SCAMP1: variants seen among roughly 807,000 people sequenced by gnomAD.
SCAMP1 encodes secretory carrier-associated membrane protein 1.
Under a neutral mutation model 41.8 loss-of-function variants are expected in SCAMP1, and 15 were observed. The observed-to-expected ratio is 0.36, with a 90% CI of 0.24 to 0.55. The LOEUF is 0.55. SCAMP1 is among the 20% of genes least tolerant of loss of function. The probability of loss-of-function intolerance (pLI) is 0.86; values close to 1 mark genes in which losing one functional copy is unlikely to be tolerated. For missense variants in SCAMP1, 341 were observed against 412.6 expected (o/e 0.83, Z 1.50); for synonymous variants, 135 against 136.8 (o/e 0.99, Z 0.09).
At chr5:78,445,081 A>G (rs1463272967) in intron 6 of SCAMP1, among the ~76,000 whole-genome samples, 4 of 152,214 alleles carry the variant, frequency 2.6e-5, no homozygotes, top group Non-Finnish European at 5.9e-5. Flanking sequence ...AGCCCTTGAA[A>G]TAATGAAATA....
intron 2 of SCAMP1, among the ~76,000 whole-genome samples, chr5:78,414,570 T>G (rs1752162856): frequency 6.6e-6 from 1 of 152,154 alleles, no homozygotes; most frequent in Non-Finnish European, 1.5e-5. Flanking sequence ...CATAGGACAC[T>G]GCGCCCGGCC....
chr5:78,366,437 C>T (rs914497700), intron 1 of SCAMP1, among the ~76,000 whole-genome samples: 1 of 152,176 alleles, frequency 6.6e-6, no homozygotes, highest in Non-Finnish European at 1.5e-5. Context: ...TGCCACCACA[C>T]TTGGCCTCTG....
chr5:78,423,426 T>A (rs375536378), intron 6 of SCAMP1, among the ~76,000 whole-genome samples: 2 of 152,192 alleles, frequency 1.3e-5, no homozygotes, highest in African/African-American at 4.8e-5. Flanking sequence ...TTCTGTTTTT[T>A]GTTAGTTTGT....
At chr5:78,433,996 TG>T (rs78901498) in intron 6 of SCAMP1, among the ~76,000 whole-genome samples, 7,351 of 152,140 alleles carry the variant, frequency 0.048, 388 homozygotes, top group East Asian at 0.3. Flanking sequence ...CTGAGGAAAA[TG>T]GGCTTTGCTA....
chr5:78,368,280 A>G lies in SCAMP1; in HGVS notation c.57+7552A>G, dbSNP rs186160373. On this transcript the variant is annotated intron_variant, in intron 1 of 8. Coordinates refer to ENST00000621999, the MANE Select transcript of SCAMP1 (RefSeq NM_004866.6). ...ATATGGCCAGGGGAAGGCTGCTGCC[A>G]TAGGAGGCTGCTGTGCCACGTGACA... Among the ~76,000 whole-genome samples, 128 of 152,348 alleles carry G rather than the reference A, an allele frequency of 8.4e-4. 1 individual carries two copies. The highest frequency in any genetic ancestry group is 3.4e-3 in the Middle Eastern group (1 of 294).
At chr5:78,386,387 G>C (rs1465030375) in intron 1 of SCAMP1, among the ~76,000 whole-genome samples, 2 of 152,064 alleles carry the variant, frequency 1.3e-5, no homozygotes, top group African/African-American at 4.8e-5. Context: ...CAGATAGTTG[G>C]TAAATTCTTA....
At position 78,477,224 on chromosome 5, in the gene SCAMP1, A is replaced by G. The variant is rs1241410799; in HGVS notation, c.*1556A>G. 1.3e-5 allele frequency: 2 copies of G among 152,184 alleles called. No homozygotes were observed. The highest frequency in any genetic ancestry group is 2.4e-5 in the African/African-American group (1 of 41,466). The allele number at this position is 152,184 out of a possible 1,614,324, so 9.4% of individuals were successfully genotyped here. On this transcript the variant is annotated 3_prime_UTR_variant, in exon 9 of 9. Coordinates refer to ENST00000621999, the MANE Select transcript of SCAMP1 (RefSeq NM_004866.6). ...TTCACTATCCATGAAGCAGCGCTGC[A>G]TGTCACTAGGTAACACAGATCCATC...
At chr5:78,446,275 A>G (rs1377071976) in intron 6 of SCAMP1, among the ~76,000 whole-genome samples, 1 of 152,178 alleles carries the variant, frequency 6.6e-6, no homozygotes, top group Non-Finnish European at 1.5e-5. Flanking sequence ...TTAATTTTTA[A>G]AACATATTCA....
chr5:78,385,706 G>C (rs1751324427), intron 1 of SCAMP1, among the ~76,000 whole-genome samples: 2 of 152,088 alleles, frequency 1.3e-5, no homozygotes, highest in Admixed American at 6.5e-5. Flanking sequence ...TGTTGACCCA[G>C]TCATCATTCA....
At chr5:78,388,804 A>G in intron 1 of SCAMP1, 33 bp from the exon 2 acceptor site, 3 of 1,140,962 alleles carry the variant, frequency 2.6e-6, no homozygotes, top group Non-Finnish European at 1.3e-6. Flanking sequence ...AAGGATAAGT[A>G]ATCTTTTTTT....
chr5:78,469,906 A>C (rs1477367033), intron 8 of SCAMP1, among the ~76,000 whole-genome samples: 885 of 43,424 alleles, frequency 0.02, 29 homozygotes, highest in African/African-American at 0.09. Context: ...AAAAAAAAAA[A>C]AAAAAACAAA....
intron 2 of SCAMP1, among the ~76,000 whole-genome samples, chr5:78,400,268 G>GTTACT (rs1413629140): frequency 1.3e-5 from 2 of 152,166 alleles, no homozygotes; most frequent in Non-Finnish European, 2.9e-5. Flanking sequence ...ATGGATTACT[G>GTTACT]TTACTTTATA....
chr5:78,392,064 CCGTGGAAAGAGA>C, intron 2 of SCAMP1, among the ~76,000 whole-genome samples: 1 of 4,254 alleles, frequency 2.4e-4, no homozygotes, highest in East Asian at 1.3e-3. Flanking sequence ...GAGAGGGAGA[CCGTGGAAAGAGA>C]GGGAGAGGGA....
At position 78,424,674 on chromosome 5, in the gene SCAMP1, C is replaced by T. The variant is rs556302040; in HGVS notation, c.632+2714C>T. 9.2e-5 allele frequency among the ~76,000 whole-genome samples: 14 copies of T among 152,106 alleles called. 1 individual carries two copies. In the South Asian group the frequency reaches 2.5e-3, roughly 27 times the overall value. ...GGCAGAGGTTGCAGTGAGCCAAGAT[C>T]GTGCTACTGCACTCCAGCCTGGGCG... On this transcript the variant is annotated intron_variant, in intron 6 of 8. Coordinates refer to ENST00000621999, the MANE Select transcript of SCAMP1 (RefSeq NM_004866.6).
chr5:78,392,870 G>A (rs75463222), intron 2 of SCAMP1, among the ~76,000 whole-genome samples: 3,028 of 152,240 alleles, frequency 0.02, 114 homozygotes, highest in African/African-American at 0.068. Context: ...GATTTAAGTG[G>A]TATATTAGCA....
intron 2 of SCAMP1, among the ~76,000 whole-genome samples, chr5:78,394,539 A>G (rs1751601247): frequency 6.6e-6 from 1 of 152,150 alleles, no homozygotes; most frequent in African/African-American, 2.4e-5. Context: ...ATTTAGTATT[A>G]GTATCTCTTG....
chr5:78,394,833 G>A (rs1307933182), intron 2 of SCAMP1, among the ~76,000 whole-genome samples: 1 of 152,174 alleles, frequency 6.6e-6, no homozygotes. Flanking sequence ...TACCCGATTT[G>A]TCTTTGGCGC....
At chr5:78,422,570 G>GA (rs76614490) in intron 6 of SCAMP1, among the ~76,000 whole-genome samples, 1 of 151,714 alleles carries the variant, frequency 6.6e-6, no homozygotes, top group African/African-American at 2.4e-5. Context: ...TGCTGGGGGA[G>GA]AAAAAAAGAG....
Position 78,478,964 on chromosome 5 carries a change from G to C in SCAMP1, c.*3296G>C, listed in dbSNP as rs1326607680. On this transcript the variant is annotated 3_prime_UTR_variant, in exon 9 of 9. Coordinates refer to ENST00000621999, the MANE Select transcript of SCAMP1 (RefSeq NM_004866.6). ...TGCATTTTAAGGGGATTTATGTTAG[G>C]TTAATTAGTTGTTTCTGTAAATCAT... 2 of 152,066 alleles carry C rather than the reference G, an allele frequency of 1.3e-5. No individual in the cohort carries two copies. Among genetic ancestry groups the C allele is most frequent in the Non-Finnish European group, 2.9e-5 (2 of 67,958 alleles). 9.4% of individuals were successfully genotyped at this position (152,066 alleles called of 1,614,324 possible). A position where few individuals can be genotyped will look rare whatever the true frequency, so the allele number is the denominator to read the frequency against.
Sources: gnomAD v4.1 joint callset for allele counts (sites outside exome capture counted in the v4.1 genomes callset) on GRCh38, gnomAD v4.1.1 for gene constraint, MANE v1.5 for transcripts, NCBI Gene and HGNC (gene_info 2026-07-23, HGNC 2026-07-21) for gene names.